Variants in PRKCA observed in about 807,000 individuals in gnomAD.
The protein encoded by PRKCA is protein kinase C alpha type.
In PRKCA, 27 loss-of-function variants were observed where a neutral mutation model predicts 87.0. The observed-to-expected ratio is 0.31, with a 90% CI of 0.23 to 0.43. PRKCA has a LOEUF of 0.43. Ranked by LOEUF, PRKCA falls within the 20% of genes least tolerant of loss-of-function variation. The pLI is 1.00. For synonymous variants in PRKCA, 329 were observed against 311.1 expected (o/e 1.06, Z -0.61); for missense variants, 518 against 852.3 (o/e 0.61, Z 4.88).
intron 5 of PRKCA, among the ~76,000 whole-genome samples, chr17:66,679,295 C>T (rs1017265185): frequency 4.6e-5 from 7 of 151,852 alleles, no homozygotes; most frequent in African/African-American, 1.2e-4. Flanking sequence ...ATTCTCCTGC[C>T]TCAGCCTCCC....
chr17:66,396,938 TTCAG>T (rs1255235599), intron 2 of PRKCA, among the ~76,000 whole-genome samples: 1 of 150,108 alleles, frequency 6.7e-6, no homozygotes, highest in Non-Finnish European at 1.5e-5. Flanking sequence ...GAAGCAATCA[TTCAG>T]TCAAACAATC....
chr17:66,435,696 C>T (rs953192070), intron 2 of PRKCA, among the ~76,000 whole-genome samples: 19 of 152,144 alleles, frequency 1.2e-4, no homozygotes, highest in East Asian at 3.9e-4. Flanking sequence ...TAAAACAATG[C>T]GCATGAAGTG....
rs544751154 is a variant in PRKCA, at chr17:66,715,260, T to C, written c.919-17428T>C. On this transcript the variant is annotated intron_variant, in intron 8 of 16. Transcript: ENST00000413366. ...ACTGGGTTTTATTGCCAGTTATAGC[T>C]TGGGTGCGTTTTTTGTTACTGTTTT... Among the ~76,000 whole-genome samples the C allele has an allele frequency of 5.9e-5, 9 of 152,150 alleles. No individual in the cohort carries two copies. The East Asian group carries it at 1.5e-3, about 26-fold the overall frequency.
chr17:66,312,997 C>T (rs928009824), intron 2 of PRKCA, among the ~76,000 whole-genome samples: 1 of 152,124 alleles, frequency 6.6e-6, no homozygotes. Context: ...CCTCGGCATC[C>T]CAAAGTGCTG....
chr17:66,738,717 C>A lies in PRKCA; in HGVS notation c.1231-47C>A. The stretch of plus-strand genomic sequence containing the variant: ...AACCTGTGAAGAGCAAAGGAAGCCA[C>A]TTGGCTGGGGAGGAGCCCTGCTCAT... On this transcript the variant is annotated intron_variant, in intron 10 of 16. Coordinates refer to ENST00000413366, the MANE Select transcript of PRKCA (RefSeq NM_002737.3). 2.0e-6 allele frequency: 3 copies of A among 1,518,884 alleles called. No homozygotes were observed. The South Asian group carries it at 3.4e-5, about 17-fold the overall frequency. The allele number at this position is 1,518,884 out of a possible 1,614,324, so 94.1% of individuals were successfully genotyped here. A position where few individuals can be genotyped will look rare whatever the true frequency, so the allele number is the denominator to read the frequency against.
intron 13 of PRKCA, among the ~76,000 whole-genome samples, chr17:66,764,895 T>A (rs922030274): frequency 6.6e-6 from 1 of 151,728 alleles, no homozygotes; most frequent in East Asian, 1.9e-4. Flanking sequence ...GACAAGAGAG[T>A]CTCCTCATCC....
chr17:66,618,188 C>T (rs971555264), intron 3 of PRKCA, among the ~76,000 whole-genome samples: 12 of 152,018 alleles, frequency 7.9e-5, no homozygotes, highest in African/African-American at 2.9e-4. Flanking sequence ...AACCCCGTCT[C>T]TACTAAAAAT....
intron 2 of PRKCA, among the ~76,000 whole-genome samples, chr17:66,343,899 C>T (rs1008005591): frequency 5.9e-5 from 9 of 152,124 alleles, no homozygotes; most frequent in Non-Finnish European, 1.2e-4. Context: ...AAATTGATAG[C>T]ACCATGATGC....
At chr17:66,458,268 A>G (rs1378678914) in intron 2 of PRKCA, among the ~76,000 whole-genome samples, 1 of 152,196 alleles carries the variant, frequency 6.6e-6, no homozygotes, top group Non-Finnish European at 1.5e-5. Flanking sequence ...TGCTATGTCA[A>G]TTAATCTGCT....
chr17:66,596,592 T>TTTA (rs1555624580), intron 3 of PRKCA, among the ~76,000 whole-genome samples: 17 of 126,382 alleles, frequency 1.3e-4, no homozygotes, highest in African/African-American at 4.7e-4. Context: ...TTTTTTTTTT[T>TTTA]ATTATACTCT....
intron 3 of PRKCA, among the ~76,000 whole-genome samples, chr17:66,553,038 G>A (rs1287756871): frequency 6.6e-6 from 1 of 151,734 alleles, no homozygotes; most frequent in African/African-American, 2.4e-5. Flanking sequence ...CCAGAGTGCA[G>A]TGGTGTGATC....
chr17:66,735,441 C>A, intron 9 of PRKCA, 48 bp from the exon 10 acceptor site: 1 of 1,610,870 alleles, frequency 6.2e-7, no homozygotes, highest in South Asian at 1.1e-5. Context: ...CTCTGCCCCC[C>A]AAGATATGTG....
chr17:66,717,741 T>G (rs1216557322), intron 8 of PRKCA, among the ~76,000 whole-genome samples: 1 of 152,154 alleles, frequency 6.6e-6, no homozygotes, highest in Admixed American at 6.5e-5. Context: ...TGAAGTTAGC[T>G]CTCTAGACCT....
intron 2 of PRKCA, among the ~76,000 whole-genome samples, chr17:66,330,574 G>A (rs1289643382): frequency 2.0e-5 from 3 of 152,080 alleles, no homozygotes; most frequent in Non-Finnish European, 2.9e-5. Context: ...GAGATAAAGC[G>A]GATCAGTAGG....
At chr17:66,566,735 A>G (rs1179289197) in intron 3 of PRKCA, among the ~76,000 whole-genome samples, 1 of 152,116 alleles carries the variant, frequency 6.6e-6, no homozygotes, top group African/African-American at 2.4e-5. Context: ...GTAGAAATAG[A>G]TTCTTCATTC....
intron 16 of PRKCA, among the ~76,000 whole-genome samples, chr17:66,789,204 G>A (rs1186851568): frequency 6.6e-6 from 1 of 152,216 alleles, no homozygotes; most frequent in African/African-American, 2.4e-5. Context: ...GGAACCCTGT[G>A]CACACTTCAT....
intron 5 of PRKCA, among the ~76,000 whole-genome samples, chr17:66,657,879 C>G (rs1971779770): frequency 6.6e-6 from 1 of 152,094 alleles, no homozygotes. Context: ...TCCCAGCATA[C>G]TTTACATGAC....
chr17:66,774,939 A>G lies in PRKCA; in HGVS notation c.1605+872A>G, dbSNP rs995414630. ...ATGATGTGACATGTACCAGATAACC[A>G]TGTGCCTTATTGCCTAACATGGCAC... is the stretch of plus-strand genomic sequence containing the variant. On this transcript the variant is annotated intron_variant, in intron 14 of 16. Coordinates refer to ENST00000413366, the MANE Select transcript of PRKCA (RefSeq NM_002737.3). 7.1e-6 allele frequency: 7 copies of G among 985,286 alleles called. No individual in the cohort carries two copies. The African/African-American group carries it at 1.2e-4, about 17-fold the overall frequency. The allele number at this position is 985,286 out of a possible 1,614,324, so 61.0% of individuals were successfully genotyped here.
At chr17:66,723,119 A>G (rs1179508651) in intron 8 of PRKCA, among the ~76,000 whole-genome samples, 1 of 151,926 alleles carries the variant, frequency 6.6e-6, no homozygotes, top group African/African-American at 2.4e-5. Context: ...ACAGGTCATG[A>G]GCTCCTGCAA....
Sources: gnomAD v4.1 joint callset for allele counts (sites outside exome capture counted in the v4.1 genomes callset) on GRCh38, gnomAD v4.1.1 for gene constraint, MANE v1.5 for transcripts, NCBI Gene and HGNC (gene_info 2026-07-23, HGNC 2026-07-21) for gene names.